ESRRG: variants seen among roughly 807,000 people sequenced by gnomAD.
ESRRG encodes estrogen related receptor gamma, also known as estrogen-related receptor gamma.
ESRRG carries 13 observed loss-of-function variants against 44.0 expected under a neutral mutation model. That is an observed-to-expected ratio of 0.30 (90% CI 0.19 to 0.47). The LOEUF (loss-of-function observed/expected upper bound fraction) is 0.47. ESRRG is among the 20% of genes least tolerant of loss of function. The pLI is 1.00. For synonymous variants in ESRRG, 215 were observed against 214.6 expected (o/e 1.00, Z -0.02); for missense variants, 395 against 580.6 (o/e 0.68, Z 3.29).
At chr1:216,922,870 G>T (rs1001358968) in intron 2 of ESRRG, among the ~76,000 whole-genome samples, 1 of 152,110 alleles carries the variant, frequency 6.6e-6, no homozygotes, top group African/African-American at 2.4e-5. Context: ...CGCCATACGG[G>T]TATTTGACAC....
chr1:216,646,754 C>G (rs939085749), intron 3 of ESRRG, among the ~76,000 whole-genome samples: 7 of 152,072 alleles, frequency 4.6e-5, no homozygotes, highest in African/African-American at 1.7e-4. Flanking sequence ...AGTTAAGTAG[C>G]ATTTTTTTAA....
Position 216,505,924 on chromosome 1 carries a change from A to T in ESRRG, c.*1015T>A, listed in dbSNP as rs1247376319. ...TTGTAAGAAGAAACAAAACATTTTT[A>T]AAAATCTTCCTTCAGGATTCATTTG... On this transcript the variant is annotated 3_prime_UTR_variant, in exon 7 of 7. Coordinates refer to ENST00000408911, the MANE Select transcript of ESRRG (RefSeq NM_001438.4). The T allele has an allele frequency of 1.3e-5, 2 of 152,682 alleles. No individual in the cohort carries two copies. Among genetic ancestry groups the T allele is most frequent in the African/African-American group, 4.8e-5 (2 of 41,468 alleles). The allele number at this position is 152,682 out of a possible 1,614,324, so 9.5% of individuals were successfully genotyped here. A position where few individuals can be genotyped will look rare whatever the true frequency, so the allele number is the denominator to read the frequency against.
intron 1 of ESRRG, among the ~76,000 whole-genome samples, chr1:216,946,608 T>C (rs992523078): frequency 1.3e-5 from 2 of 152,212 alleles, no homozygotes; most frequent in African/African-American, 4.8e-5. Flanking sequence ...GGTCTACTAA[T>C]AATGTCGATT....
intron 2 of ESRRG, among the ~76,000 whole-genome samples, chr1:216,907,423 G>A (rs994678670): frequency 2.0e-5 from 3 of 152,138 alleles, no homozygotes; most frequent in East Asian, 1.9e-4. Flanking sequence ...GGGAGATGCC[G>A]CACTTGTGAT....
At chr1:216,933,255 C>A (rs147120332) in intron 2 of ESRRG, among the ~76,000 whole-genome samples, 2 of 152,218 alleles carry the variant, frequency 1.3e-5, no homozygotes, top group African/African-American at 4.8e-5. Context: ...AGGAAGACAA[C>A]GGCTCCCAAT....
intron 3 of ESRRG, among the ~76,000 whole-genome samples, chr1:216,578,428 C>T (rs922545656): frequency 1.8e-4 from 27 of 152,080 alleles, no homozygotes; most frequent in Admixed American, 6.6e-5. Context: ...GCAAGCTGGT[C>T]TTCAGGTTGC....
At chr1:217,018,016 C>G (rs750692719) in intron 1 of ESRRG, among the ~76,000 whole-genome samples, 2 of 152,172 alleles carry the variant, frequency 1.3e-5, no homozygotes, top group East Asian at 3.9e-4. Context: ...ATGTATAAAA[C>G]GAATTTAAAA....
intron 2 of ESRRG, among the ~76,000 whole-genome samples, chr1:216,740,776 T>A (rs1281414088): frequency 6.6e-6 from 1 of 152,174 alleles, no homozygotes; most frequent in Non-Finnish European, 1.5e-5. Flanking sequence ...GTGTTCCATT[T>A]TTTTATTTGT....
At chr1:216,591,184 T>A (rs2057604321) in intron 3 of ESRRG, among the ~76,000 whole-genome samples, 1 of 152,158 alleles carries the variant, frequency 6.6e-6, no homozygotes, top group African/African-American at 2.4e-5. Context: ...CACACTCCCA[T>A]CAACTTCCAA....
At position 216,559,051 on chromosome 1, in the gene ESRRG, G is replaced by T. The variant is rs534815908; in HGVS notation, c.862+5168C>A. Among the ~76,000 whole-genome samples, 3 of 151,976 alleles carry T rather than the reference G, an allele frequency of 2.0e-5. No individual in the cohort carries two copies. The South Asian group carries it at 6.2e-4, about 32-fold the overall frequency. On this transcript the variant is annotated intron_variant, in intron 5 of 6. Coordinates refer to ENST00000408911, the MANE Select transcript of ESRRG (RefSeq NM_001438.4). ...CATCCAGATAATTTTTATACTTTTA[G>T]TAGAGACGGGGTTTTGCCATGTTGG...
At chr1:216,974,942 T>C (rs2072556983) in intron 1 of ESRRG, among the ~76,000 whole-genome samples, 1 of 152,112 alleles carries the variant, frequency 6.6e-6, no homozygotes, top group African/African-American at 2.4e-5. Context: ...AAGAAGTAAT[T>C]TATAAATATT....
rs1356271651 is a variant in ESRRG, at chr1:216,823,435, CTG to C, written c.-14+116145_-14+116146del. On this transcript the variant is annotated intron_variant, in intron 2 of 7. Transcript: ENST00000359162. ...TTCTTTGTGTTTAGGAAGAAAATAT[CTG>C]TGTTTCTTTGGAGATTGGTATTGCA... Among the ~76,000 whole-genome samples the C allele has an allele frequency of 4.6e-5, 7 of 152,198 alleles. No homozygotes were observed. In the East Asian group the frequency reaches 1.2e-3, roughly 25 times the overall value.
chr1:216,794,455 C>T (rs1576620817), intron 2 of ESRRG, among the ~76,000 whole-genome samples: 1 of 152,138 alleles, frequency 6.6e-6, no homozygotes, highest in East Asian at 1.9e-4. Context: ...TCCAGATCCA[C>T]CAACCCCCAT....
chr1:216,574,761 T>C (rs2149712519), intron 3 of ESRRG, among the ~76,000 whole-genome samples: 2 of 152,244 alleles, frequency 1.3e-5, no homozygotes, highest in South Asian at 4.1e-4. Context: ...AACTGCTGTG[T>C]TAAATAAATG....
intron 1 of ESRRG, among the ~76,000 whole-genome samples, chr1:216,713,034 T>C (rs1051014904): frequency 3.9e-5 from 6 of 152,186 alleles, no homozygotes; most frequent in Non-Finnish European, 5.9e-5. Context: ...GCTGAATGTA[T>C]AGAACGGTGG....
chr1:216,950,145 G>T (rs994557581), intron 1 of ESRRG, among the ~76,000 whole-genome samples: 3 of 152,076 alleles, frequency 2.0e-5, no homozygotes, highest in Admixed American at 2.0e-4. Context: ...AGCAAAATGA[G>T]GTATTATTTG....
intron 1 of ESRRG, among the ~76,000 whole-genome samples, chr1:217,134,977 T>A (rs2093029098): frequency 1.3e-5 from 2 of 152,204 alleles, no homozygotes; most frequent in Admixed American, 1.3e-4. Context: ...TGACCCTGAC[T>A]CTATTTCCGG....
In ESRRG at chr1:216,523,487, A is replaced by T. The variant is rs543497170; in HGVS notation, c.863-4066T>A. 5.2e-3 allele frequency among the ~76,000 whole-genome samples: 713 copies of T among 136,690 alleles called. 4 individuals carry two copies. Among genetic ancestry groups the T allele is most frequent in the Middle Eastern group, 0.024 (6 of 250 alleles). The allele number at this position is 136,690 out of a possible 152,430, so 89.7% of individuals were successfully genotyped here. ...GTGGTGCCATGGGCACTCATCAAGC[A>T]CTGTTTTTTTTTTTGTTTTTTTTTT... is the stretch of plus-strand genomic sequence containing the variant. On this transcript the variant is annotated intron_variant, in intron 5 of 6. Transcript: ENST00000408911.
chr1:216,768,811 T>C (rs932839036), intron 2 of ESRRG, among the ~76,000 whole-genome samples: 1 of 152,094 alleles, frequency 6.6e-6, no homozygotes, highest in Non-Finnish European at 1.5e-5. Context: ...AAATATTATA[T>C]AAATAAATTC....
Sources: gnomAD v4.1 joint callset for allele counts (sites outside exome capture counted in the v4.1 genomes callset) on GRCh38, gnomAD v4.1.1 for gene constraint, MANE v1.5 for transcripts, NCBI Gene and HGNC (gene_info 2026-07-23, HGNC 2026-07-21) for gene names.